Variants in AGAP3 observed in about 807,000 individuals in gnomAD.
The protein encoded by AGAP3 is ArfGAP with GTPase domain, ankyrin repeat and PH domain 3.
Under a neutral mutation model 96.9 loss-of-function variants are expected in AGAP3, and 24 were observed. The ratio of observed to expected loss-of-function variants is 0.25; its 90% CI spans 0.18 to 0.35. The LOEUF (loss-of-function observed/expected upper bound fraction) is 0.35. Among genes scored for constraint, AGAP3 ranks in the 10% least tolerant of loss-of-function variants. The pLI, the probability that AGAP3 is intolerant of heterozygous loss-of-function variation, is 1.00. For synonymous variants in AGAP3, 563 were observed against 536.1 expected, an observed-to-expected ratio of 1.05 and a Z score of -0.69; for missense variants, 876 against 1,254.2, an observed-to-expected ratio of 0.70 and a Z score of 4.55.
At chr7:151,109,821 G>C (rs923516978) in intron 1 of AGAP3, among the ~76,000 whole-genome samples, 1 of 152,206 alleles carries the variant, frequency 6.6e-6, no homozygotes, top group Non-Finnish European at 1.5e-5. Flanking sequence ...TGTGGAGAGG[G>C]CTGGTTTCAG....
chr7:151,136,133 A>T (rs913888370), intron 11 of AGAP3: 1 of 152,302 alleles, frequency 6.6e-6, no homozygotes, highest in Admixed American at 6.5e-5. Context: ...GCCCTCTGGC[A>T]CCGGCCCCCA....
chr7:151,099,819 T>C (rs4571654), intron 1 of AGAP3, among the ~76,000 whole-genome samples: 21,259 of 152,170 alleles, frequency 0.14, 3,254 homozygotes, highest in African/African-American at 0.38. Context: ...AAGGTTTTTT[T>C]TGTTTGTTTG....
At position 151,144,257 on chromosome 7, in the gene AGAP3, CTCACACGCCTTCA is replaced by C. The variant is rs1680408511; in HGVS notation, c.*317_*329del. ...GATCCCTGCCTCCTAGTGCCAGCCCCTCACACGCCTTCATCCTGAAACAGGAAGAGGACGGCAC... is the reference window on the plus strand; with the variant it reads ...GATCCCTGCCTCCTAGTGCCAGCCCCTCCTGAAACAGGAAGAGGACGGCAC... On this transcript the variant is annotated 3_prime_UTR_variant, in exon 18 of 18. Transcript: ENST00000397238. 2.6e-6 allele frequency: 1 copy of C among 383,728 alleles called. No individual in the cohort carries two copies. The highest frequency in any genetic ancestry group is 4.2e-5 in the Admixed American group (1 of 23,618). 23.8% of individuals were successfully genotyped at this position (383,728 alleles called of 1,614,324 possible).
chr7:151,104,125 T>A (rs1290115324), intron 1 of AGAP3, among the ~76,000 whole-genome samples: 2 of 152,198 alleles, frequency 1.3e-5, no homozygotes, highest in East Asian at 3.8e-4. Flanking sequence ...GCACAACTGT[T>A]CACCTGATGG....
chr7:151,138,977 C>G (rs1242153646), intron 12 of AGAP3, among the ~76,000 whole-genome samples: 1 of 152,208 alleles, frequency 6.6e-6, no homozygotes, highest in African/African-American at 2.4e-5. Context: ...CCTTTGTTCT[C>G]TTTCTCTCTC....
chr7:151,093,647 G>C (rs1336845825), intron 1 of AGAP3, among the ~76,000 whole-genome samples: 2 of 152,164 alleles, frequency 1.3e-5, no homozygotes, highest in Non-Finnish European at 2.9e-5. Flanking sequence ...GCTGTTACTA[G>C]GCTTTCGCAG....
At chr7:151,122,401 G>C (rs891754257) in intron 8 of AGAP3, among the ~76,000 whole-genome samples, 2 of 152,236 alleles carry the variant, frequency 1.3e-5, no homozygotes, top group African/African-American at 4.8e-5. Flanking sequence ...CTGGCAGCCT[G>C]GGAGAACGGG....
intron 1 of AGAP3, among the ~76,000 whole-genome samples, chr7:151,094,688 T>C (rs182171335): frequency 6.6e-6 from 1 of 152,318 alleles, no homozygotes; most frequent in Admixed American, 6.5e-5. Flanking sequence ...TTTTTCTTTT[T>C]TCTTTTTGTA....
In AGAP3 at chr7:151,118,310, C is replaced by G. The variant is rs772778482; in HGVS notation, c.807C>G (p.Thr269=). ...GCACCTACTATGAGACGTGCGCGAC[C>G]TACGGGCTCAATGTGGAGCGTGTCT... ...KRCTYYETCA[T]YGLNVERVFQ... is the part of the protein sequence containing the mutation. Residue 269 remains threonine, a synonymous_variant, in exon 6 of 18, where the codon ACC becomes ACG. Transcript: ENST00000397238. This position sits in a 1 kb window ranked among gnomAD's most constrained non-coding sequence, Gnocchi z 6.1. 3.1e-6 allele frequency: 5 copies of G among 1,612,898 alleles called. No homozygotes were observed. The highest frequency in any genetic ancestry group is 1.7e-5 in the Admixed American group (1 of 59,992).
rs1585068213 is a variant in AGAP3 at position 151,114,941 on chromosome 7, G to A, written c.332-1852G>A. 2 of 984,340 alleles carry A rather than the reference G, an allele frequency of 2.0e-6. No homozygotes were observed. The allele number at this position is 984,340 out of a possible 1,614,324, so 61.0% of individuals were successfully genotyped here. A position where few individuals can be genotyped will look rare whatever the true frequency, so the allele number is the denominator to read the frequency against. On this transcript the variant is annotated intron_variant, in intron 1 of 17. Coordinates refer to ENST00000397238, the MANE Select transcript of AGAP3 (RefSeq NM_031946.7). This position sits in a 1 kb window ranked among gnomAD's most constrained non-coding sequence, Gnocchi z 4.4. Reference sequence around the variant, plus strand: ...CCGCCAGTGAGCAGCCGGCGCGGCCGCGGAGCGTGTGCTCGGGCGGCCCGG... The same window carrying A: ...CCGCCAGTGAGCAGCCGGCGCGGCCACGGAGCGTGTGCTCGGGCGGCCCGG...
chr7:151,093,930 G>A (rs1179592629), intron 1 of AGAP3, among the ~76,000 whole-genome samples: 1 of 152,178 alleles, frequency 6.6e-6, no homozygotes, highest in East Asian at 1.9e-4. Flanking sequence ...TGGCTCCCTG[G>A]CCGGGGGTCT....
intron 7 of AGAP3, among the ~76,000 whole-genome samples, chr7:151,119,757 G>A (rs995793023): frequency 7.9e-5 from 12 of 152,184 alleles, no homozygotes; most frequent in African/African-American, 2.7e-4. Flanking sequence ...CGGGGCCCCA[G>A]GACGAGGGTT....
In AGAP3 at chr7:151,118,629, C is replaced by T; in HGVS notation, c.966C>T (p.Asn322=). 1 of 1,612,516 alleles carries T rather than the reference C, an allele frequency of 6.2e-7. No individual in the cohort carries two copies. Among genetic ancestry groups the T allele is most frequent in the South Asian group, 1.1e-5 (1 of 91,040 alleles). Residue 322 remains asparagine (N), a synonymous_variant, in exon 7 of 18, where the codon AAC becomes AAT. Coordinates refer to ENST00000397238, the MANE Select transcript of AGAP3 (RefSeq NM_031946.7). The surrounding 1 kb of genome is among the most constrained non-coding windows in gnomAD (Gnocchi z 6.1). ...SAASIPAVHI[N]QATNGGGSAF... The stretch of plus-strand genomic sequence containing the variant: ...CCTCCATCCCGGCCGTGCACATCAA[C>T]CAGGTTCGGCCTGTGCCCCGCCCTG...
At chr7:151,093,252 C>T (rs1798470486) in intron 1 of AGAP3, among the ~76,000 whole-genome samples, 1 of 152,138 alleles carries the variant, frequency 6.6e-6, no homozygotes, top group African/African-American at 2.4e-5. Context: ...AGCGATCTTC[C>T]ACCTCAGTCT....
Position 151,134,575 on chromosome 7 carries a change from C to T in AGAP3, c.1495+7C>T, listed in dbSNP as rs146183041. 6.6e-4 allele frequency: 1,058 copies of T among 1,599,098 alleles called. 17 individuals are homozygous for T. In the East Asian group the frequency reaches 0.018, roughly 27 times the overall value. On this transcript the variant is annotated splice_region_variant and intron_variant, in intron 11 of 17. Transcript: ENST00000397238. Reference sequence around the variant, plus strand: ...CAGCTGGGTGGGGGCACAGGTGAGGCGGCTGCTGAGGTGGGGGCCTGGGGG... The same window carrying T: ...CAGCTGGGTGGGGGCACAGGTGAGGTGGCTGCTGAGGTGGGGGCCTGGGGG...
intron 8 of AGAP3, among the ~76,000 whole-genome samples, chr7:151,121,251 G>A (rs1383453221): frequency 2.0e-5 from 3 of 152,098 alleles, no homozygotes; most frequent in Admixed American, 6.5e-5. Context: ...CTGTGCTGAC[G>A]GTCCGCCACA....
chr7:151,100,473 C>T (rs575294639), intron 1 of AGAP3, among the ~76,000 whole-genome samples: 1 of 152,306 alleles, frequency 6.6e-6, no homozygotes, highest in Non-Finnish European at 1.5e-5. Context: ...ACGCCAGTGT[C>T]GGGATTGCTC....
chr7:151,115,738 G>C, intron 1 of AGAP3: 1 of 793,330 alleles, frequency 1.3e-6, no homozygotes, highest in Non-Finnish European at 1.6e-6. Context: ...CGCGTCCGGG[G>C]CTGGCGGGGT....
chr7:151,097,517 CAAAAAAAA>C lies in AGAP3; in HGVS notation c.331+10456_331+10463del, dbSNP rs67915216. Reference sequence around the variant, plus strand: ...TGGGCGACAGAGTGAGACTCTGTCTCAAAAAAAAAAAAAAAAAAGAAAAAGAAAAGAGG... The same window carrying C: ...TGGGCGACAGAGTGAGACTCTGTCTCAAAAAAAAAAGAAAAAGAAAAGAGG... On this transcript the variant is annotated intron_variant, in intron 1 of 17. Transcript: ENST00000397238. Among the ~76,000 whole-genome samples, 17 of 95,658 alleles carry C rather than the reference CAAAAAAAA, an allele frequency of 1.8e-4. 1 individual carries two copies. The highest frequency in any genetic ancestry group is 5.2e-4 in the African/African-American group (14 of 26,842). 62.8% of individuals were successfully genotyped at this position (95,658 alleles called of 152,430 possible).
Sources: allele counts gnomAD v4.1 joint callset (sites outside exome capture counted in the v4.1 genomes callset), GRCh38; gene constraint gnomAD v4.1.1; non-coding constraint Gnocchi (gnomAD v3.1); transcripts MANE v1.5; gene names NCBI Gene and HGNC (gene_info 2026-07-23, HGNC 2026-07-21).